DOT1L: variants seen among roughly 807,000 people sequenced by gnomAD.
DOT1L encodes the protein histone-lysine N-methyltransferase, H3 lysine-79 specific.
In DOT1L, 33 loss-of-function variants were observed where a neutral mutation model predicts 153.3. That is an observed-to-expected ratio of 0.22 (90% CI 0.16 to 0.29). The LOEUF is 0.29. Ranked by LOEUF, DOT1L falls within the 10% of genes least tolerant of loss-of-function variation. The pLI is 1.00. For missense variants in DOT1L, 1,847 were observed against 2,119.9 expected (o/e 0.87, Z 2.53); for synonymous variants, 1,135 against 965.1 (o/e 1.18, Z -3.26).
intron 16 of DOT1L, chr19:2,212,832 GC>G: frequency 6.6e-6 from 1 of 152,390 alleles, no homozygotes; most frequent in Admixed American, 6.5e-5. Context: ...CGGCTGTGGG[GC>G]CCCGCCCTGG....
intron 27 of DOT1L, chr19:2,227,753 G>A: frequency 7.6e-7 from 1 of 1,318,568 alleles, no homozygotes; most frequent in Non-Finnish European, 1.0e-6. Flanking sequence ...TTAACCACGC[G>A]GTGCCCTCCG....
At chr19:2,194,784 CCT>C (rs1335529121) in intron 7 of DOT1L, among the ~76,000 whole-genome samples, 1 of 152,186 alleles carries the variant, frequency 6.6e-6, no homozygotes, top group Non-Finnish European at 1.5e-5. Context: ...TCCCTCTCGT[CCT>C]CTCTGACATG....
chr19:2,186,299 A>C (rs2022504498), intron 3 of DOT1L, among the ~76,000 whole-genome samples: 1 of 152,006 alleles, frequency 6.6e-6, no homozygotes, highest in South Asian at 2.1e-4. Context: ...AGCTCTGTTT[A>C]GATCTCAGCT....
Position 2,193,179 on chromosome 19 carries a change from C to A in DOT1L, c.494-510C>A, listed in dbSNP as rs1401760918. Among the ~76,000 whole-genome samples the A allele has an allele frequency of 6.6e-6, 1 of 152,210 alleles. No individual in the cohort carries two copies. The highest frequency in any genetic ancestry group is 1.5e-5 in the Non-Finnish European group (1 of 68,042). On this transcript the variant is annotated intron_variant, in intron 5 of 27. Coordinates refer to ENST00000398665, the MANE Select transcript of DOT1L (RefSeq NM_032482.3). This position sits in a 1 kb window ranked among gnomAD's most constrained non-coding sequence, Gnocchi z 5.9. Reference sequence around the variant, plus strand: ...TGCTGATGCTGTGAAACCGCAGCGGCCGGGAGACTGTCCTGGCTGCGGGGG... The same window carrying A: ...TGCTGATGCTGTGAAACCGCAGCGGACGGGAGACTGTCCTGGCTGCGGGGG...
In DOT1L at chr19:2,167,307, C is replaced by T. The variant is rs916914160; in HGVS notation, c.81+3042C>T. 4.6e-5 allele frequency among the ~76,000 whole-genome samples: 7 copies of T among 152,326 alleles called. No homozygotes were observed. The East Asian group carries it at 5.8e-4, about 13-fold the overall frequency. On this transcript the variant is annotated intron_variant, in intron 1 of 27. Transcript: ENST00000398665. Reference sequence around the variant, plus strand: ...TAAGAAACCCACTGGAACCCAGCGTCGGGGCCTGGGGTAGTGGTCTTGCCA... The same window carrying T: ...TAAGAAACCCACTGGAACCCAGCGTTGGGGCCTGGGGTAGTGGTCTTGCCA...
At position 2,213,855 on chromosome 19, in the gene DOT1L, G is replaced by A; in HGVS notation, c.1666G>A (p.Val556Met). 6.2e-7 allele frequency: 1 copy of A among 1,613,148 alleles called. No homozygotes were observed. Among genetic ancestry groups the A allele is most frequent in the Non-Finnish European group, 8.5e-7 (1 of 1,180,024 alleles). Reference protein sequence around the residue: ...LFQQKLDELGVKALTYNDLIQ... With the variant: ...LFQQKLDELGMKALTYNDLIQ... ...CCCCGCCCCATGTCCCCAGCTGGGT[G>A]TGAAGGCGCTGACCTACAACGACCT... Residue 556 changes from valine (V) to methionine (M), a missense_variant, in exon 18 of 28, where the codon GTG (valine) becomes ATG (methionine). By Grantham distance (21) the Val-to-Met change is conservative. Around this residue, in one of 8 missense-constraint regions of DOT1L, gnomAD observed 156 missense variants for 235.7 expected, o/e 0.66. Transcript: ENST00000398665.
intron 1 of DOT1L, among the ~76,000 whole-genome samples, chr19:2,175,745 G>A (rs756309610): frequency 6.6e-6 from 1 of 152,104 alleles, no homozygotes; most frequent in African/African-American, 2.4e-5. Context: ...CGGGAAAATC[G>A]CTTGAACCCA....
intron 12 of DOT1L, 71 bp from the exon 13 acceptor site, chr19:2,210,329 C>A: frequency 2.2e-6 from 3 of 1,334,430 alleles, no homozygotes; most frequent in Non-Finnish European, 3.0e-6. Context: ...CTGAGCTCCG[C>A]GTGCCTCTCG....
intron 25 of DOT1L, 102 bp downstream of exon 25, chr19:2,223,588 C>T (rs1285890930): frequency 5.2e-6 from 6 of 1,146,960 alleles, no homozygotes; most frequent in Non-Finnish European, 7.3e-6. Context: ...GACCGGCAGG[C>T]TCTTAGGGGG....
rs778602007 is a variant in DOT1L, at chr19:2,223,488, C to T, written c.3596+2C>T. 49 of 1,471,412 alleles carry T rather than the reference C, an allele frequency of 3.3e-5. No homozygotes were observed. Among genetic ancestry groups the T allele is most frequent in the African/African-American group, 1.0e-4 (7 of 69,030 alleles). 91.1% of individuals were successfully genotyped at this position (1,471,412 alleles called of 1,614,324 possible). On this transcript the variant is annotated splice_donor_variant, in intron 25 of 27. Coordinates refer to ENST00000398665, the MANE Select transcript of DOT1L (RefSeq NM_032482.3). LOFTEE classifies it low-confidence loss of function (GC_TO_GT_DONOR). ...TGAGGACGAGCCCAGCAGTGCTCGGCGAGTCCAGGGGCCCGGAGGGGGGCG... is the reference window on the plus strand; with the variant it reads ...TGAGGACGAGCCCAGCAGTGCTCGGTGAGTCCAGGGGCCCGGAGGGGGGCG...
In DOT1L at chr19:2,226,325, C is replaced by T; in HGVS notation, c.3804C>T (p.Ser1268=). ...DSPLQASSAL[S]QNSLFTFRPA... is the part of the protein sequence containing the mutation. ...CGCTGCAGGCCAGCTCCGCCCTCAGCCAGAACTCCCTGTTCACGTTCCGGC... is the reference window on the plus strand; with the variant it reads ...CGCTGCAGGCCAGCTCCGCCCTCAGTCAGAACTCCCTGTTCACGTTCCGGC... Residue 1268 remains serine (S), a synonymous_variant, in exon 27 of 28, where the codon AGC becomes AGT. Transcript: ENST00000398665. The T allele has an allele frequency of 6.3e-7, 1 of 1,597,656 alleles. No homozygotes were observed.
chr19:2,227,553 G>C, intron 27 of DOT1L: 1 of 643,142 alleles, frequency 1.6e-6, no homozygotes, highest in Non-Finnish European at 2.3e-6. Context: ...GCTGCTGCGG[G>C]GCGGGGGGCC....
chr19:2,221,800 T>G, intron 23 of DOT1L, 176 bp from the exon 24 acceptor site: 1 of 660,470 alleles, frequency 1.5e-6, no homozygotes, highest in Non-Finnish European at 2.5e-6. Flanking sequence ...GCCTTGAGCT[T>G]GCCCACAGAG....
intron 3 of DOT1L, among the ~76,000 whole-genome samples, chr19:2,187,741 T>C (rs984994793): frequency 2.0e-5 from 3 of 151,900 alleles, no homozygotes; most frequent in African/African-American, 7.3e-5. Context: ...GCTAGCACAG[T>C]GAAACCCCGT....
rs1286858279 is a variant in DOT1L at position 2,226,563 on chromosome 19, A to G, written c.4042A>G (p.Ser1348Gly). The change falls in exon 27 of 28, where the codon AGC (serine) becomes GGC (glycine). Residue 1348 changes from serine to glycine, a missense_variant. Physicochemically the swap from Ser to Gly is moderately conservative, Grantham distance 56. Around this residue, in one of 8 missense-constraint regions of DOT1L, gnomAD observed 934 missense variants for 825.3 expected, o/e 1.13. Transcript: ENST00000398665. ...CAAGGGCCCCGAGGCGGCCGGCCTG[A>G]GCTCCCCGCTGAGCTTCCCCTCGCA... The part of the protein sequence containing the change: ...PHKGPEAAGL[S>G]SPLSFPSQRG... 7 of 1,600,392 alleles carry G rather than the reference A, an allele frequency of 4.4e-6. No individual in the cohort carries two copies. The East Asian group carries it at 1.6e-4, about 36-fold the overall frequency.
intron 16 of DOT1L, 35 bp from the exon 17 acceptor site, chr19:2,213,504 C>G (rs771478755): frequency 1.9e-6 from 3 of 1,606,394 alleles, no homozygotes; most frequent in East Asian, 4.5e-5. Context: ...GTCACCTGCC[C>G]TGGCCCTTAG....
At chr19:2,227,242 G>C (rs908611067) in intron 27 of DOT1L, 115 bp downstream of exon 27, 3 of 1,360,382 alleles carry the variant, frequency 2.2e-6, no homozygotes, top group South Asian at 1.2e-5. Context: ...AGGTCCCCTG[G>C]TGCCGGCCGG....
chr19:2,185,797 A>T (rs2022475614), intron 2 of DOT1L, 58 bp from the exon 3 acceptor site: 1 of 1,579,140 alleles, frequency 6.3e-7, no homozygotes, highest in African/African-American at 1.4e-5. Context: ...AAAACAAAAC[A>T]CAAAACAAAA....
rs2023068378 is a variant in DOT1L at position 2,197,404 on chromosome 19, G to C, written c.652-2480G>C. Among the ~76,000 whole-genome samples the C allele has an allele frequency of 6.6e-6, 1 of 152,202 alleles. No homozygotes were observed. The highest frequency in any genetic ancestry group is 2.4e-5 in the African/African-American group (1 of 41,454). On this transcript the variant is annotated intron_variant, in intron 7 of 27. Coordinates refer to ENST00000398665, the MANE Select transcript of DOT1L (RefSeq NM_032482.3). The surrounding 1 kb of genome is among the most constrained non-coding windows in gnomAD (Gnocchi z 4.1). ...GGAAGCCCTCGCCATGGTTCCCAGC[G>C]ATGGCCAGGAGGGCGCCATGGTGCC...
Sources: allele counts gnomAD v4.1 joint callset (sites outside exome capture counted in the v4.1 genomes callset), GRCh38; gene constraint gnomAD v4.1.1; regional missense constraint gnomAD v4.1.1; non-coding constraint Gnocchi (gnomAD v3.1); transcripts MANE v1.5; gene names NCBI Gene and HGNC (gene_info 2026-07-23, HGNC 2026-07-21).